Variants in PTN observed in about 807,000 individuals in gnomAD.
The protein encoded by PTN is pleiotrophin.
Under a neutral mutation model 24.1 loss-of-function variants are expected in PTN, and 18 were observed. The ratio of observed to expected loss-of-function variants is 0.75; its 90% CI spans 0.52 to 1.11. The LOEUF (loss-of-function observed/expected upper bound fraction) is 1.11. PTN is among the 50% of genes least tolerant of loss of function. PTN has a pLI of 0.00. For missense variants in PTN, 163 were observed against 198.8 expected, an observed-to-expected ratio of 0.82 and a Z score of 1.08; for synonymous variants, 78 against 68.6, an observed-to-expected ratio of 1.14 and a Z score of -0.67.
At chr7:137,235,226 T>C (rs1412969044) in intron 4 of PTN, among the ~76,000 whole-genome samples, 1 of 152,108 alleles carries the variant, frequency 6.6e-6, no homozygotes, top group Admixed American at 6.6e-5. Context: ...TAATGCTTTG[T>C]GAACCGATTT....
At chr7:137,343,364 C>G (rs1719782199) in intron 1 of PTN, 75 bp downstream of exon 1, 1 of 416,944 alleles carries the variant, frequency 2.4e-6, no homozygotes, top group African/African-American at 2.0e-5. Context: ...CTGCTGGCAC[C>G]CAGAAAAGTG....
chr7:137,231,397 C>G (rs1387929466), intron 4 of PTN, among the ~76,000 whole-genome samples: 1 of 151,902 alleles, frequency 6.6e-6, no homozygotes, highest in Admixed American at 6.6e-5. Flanking sequence ...TCCTTAAAAT[C>G]TTAGCCTCAA....
At position 137,338,104 on chromosome 7, in the gene PTN, G is replaced by A. The variant is rs1810477924; in HGVS notation, c.-2+5335C>T. On this transcript the variant is annotated intron_variant, in intron 1 of 4. Coordinates refer to ENST00000348225, the MANE Select transcript of PTN (RefSeq NM_002825.7). Reference sequence around the variant, plus strand: ...CTTCGAAGACAAGGGAAGAAATATAGCTCCACCTAGAGGGGGCATTTGCCT... The same window carrying A: ...CTTCGAAGACAAGGGAAGAAATATAACTCCACCTAGAGGGGGCATTTGCCT... Among the ~76,000 whole-genome samples the A allele has an allele frequency of 2.6e-5, 4 of 152,044 alleles. No individual in the cohort carries two copies. The South Asian group carries it at 8.3e-4, about 32-fold the overall frequency.
At chr7:137,247,518 G>C (rs764103433) in intron 4 of PTN, among the ~76,000 whole-genome samples, 3 of 152,140 alleles carry the variant, frequency 2.0e-5, no homozygotes, top group Non-Finnish European at 4.4e-5. Context: ...AGGTTGGGAA[G>C]GGTAGTGATG....
At chr7:137,258,819 C>A (rs1275210210) in intron 1 of PTN, among the ~76,000 whole-genome samples, 1 of 152,084 alleles carries the variant, frequency 6.6e-6, no homozygotes, top group Non-Finnish European at 1.5e-5. Context: ...TTTAACCCTA[C>A]CTGTTCTCCA....
intron 1 of PTN, among the ~76,000 whole-genome samples, chr7:137,261,404 T>C (rs1013723023): frequency 6.6e-6 from 1 of 152,180 alleles, no homozygotes; most frequent in Non-Finnish European, 1.5e-5. Context: ...GGTAATAATA[T>C]AAATATTAAA....
rs1367940493 is a variant in PTN, at chr7:137,314,984, TTC to T, written c.-2+28453_-2+28454del. Among the ~76,000 whole-genome samples the T allele has an allele frequency of 3.3e-5, 5 of 152,342 alleles. No homozygotes were observed. In the East Asian group the frequency reaches 9.6e-4, roughly 29 times the overall value. ...CATTGTTAACTATTATTCATGTTCA[TTC>T]TCTCTGTTAAAGTAATTGATGTGGT... On this transcript the variant is annotated intron_variant, in intron 1 of 4. Coordinates refer to ENST00000348225, the MANE Select transcript of PTN (RefSeq NM_002825.7).
chr7:137,274,793 A>G (rs1389315891), intron 1 of PTN, among the ~76,000 whole-genome samples: 4 of 152,242 alleles, frequency 2.6e-5, no homozygotes, highest in African/African-American at 7.2e-5. Context: ...GATCAAACAC[A>G]TAGCCTAACA....
At chr7:137,318,084 T>C (rs1476696729) in intron 1 of PTN, among the ~76,000 whole-genome samples, 3 of 152,060 alleles carry the variant, frequency 2.0e-5, no homozygotes, top group South Asian at 2.1e-4. Context: ...CTGACCAATA[T>C]AGTGAAACCT....
At chr7:137,230,054 G>T (rs1296455051) in intron 4 of PTN, among the ~76,000 whole-genome samples, 2 of 151,782 alleles carry the variant, frequency 1.3e-5, no homozygotes, top group East Asian at 3.9e-4. Context: ...CTCCAGTAGA[G>T]TGGATATCTA....
chr7:137,319,059 T>C (rs2128880887), intron 1 of PTN, among the ~76,000 whole-genome samples: 1 of 152,306 alleles, frequency 6.6e-6, no homozygotes, highest in Middle Eastern at 3.4e-3. Flanking sequence ...ACTCTCTACT[T>C]TTTGTCCGCC....
chr7:137,265,814 T>C (rs912064416), intron 1 of PTN, among the ~76,000 whole-genome samples: 65 of 152,270 alleles, frequency 4.3e-4, no homozygotes, highest in Admixed American at 4.2e-3. Flanking sequence ...CATTTGCATC[T>C]TGGTATGCTA....
chr7:137,300,651 C>T (rs1809791615), intron 1 of PTN, among the ~76,000 whole-genome samples: 1 of 151,950 alleles, frequency 6.6e-6, no homozygotes, highest in South Asian at 2.1e-4. Flanking sequence ...GTGCTTGGAA[C>T]TGGCAGACTA....
chr7:137,336,413 TA>T (rs1451907413), intron 1 of PTN, among the ~76,000 whole-genome samples: 1 of 152,054 alleles, frequency 6.6e-6, no homozygotes, highest in African/African-American at 2.4e-5. Context: ...TGAGCATCAC[TA>T]AGGTCAGCAA....
chr7:137,266,868 C>CTTTTT (rs57274644), intron 1 of PTN, among the ~76,000 whole-genome samples: 1 of 98,742 alleles, frequency 1.0e-5, no homozygotes, highest in Non-Finnish European at 2.2e-5. Flanking sequence ...TATAGATGGC[C>CTTTTT]TTTTTTTTTT....
At chr7:137,232,433 T>C (rs373976962) in intron 4 of PTN, among the ~76,000 whole-genome samples, 9 of 151,918 alleles carry the variant, frequency 5.9e-5, no homozygotes, top group Non-Finnish European at 8.8e-5. Context: ...AAATAGTAGG[T>C]GTGTATTTTT....
At chr7:137,328,485 C>A (rs898407363) in intron 1 of PTN, among the ~76,000 whole-genome samples, 18 of 152,174 alleles carry the variant, frequency 1.2e-4, no homozygotes, top group Admixed American at 7.2e-4. Flanking sequence ...GAAACTGTAG[C>A]AGGATTTTTT....
intron 4 of PTN, among the ~76,000 whole-genome samples, chr7:137,250,257 A>C (rs1003613775): frequency 6.6e-6 from 1 of 152,162 alleles, no homozygotes; most frequent in African/African-American, 2.4e-5. Flanking sequence ...ATTGTCTTGC[A>C]GTTCTGGAAG....
At chr7:137,304,115 T>C (rs531263916) in intron 1 of PTN, among the ~76,000 whole-genome samples, 3 of 152,118 alleles carry the variant, frequency 2.0e-5, no homozygotes, top group East Asian at 1.9e-4. Flanking sequence ...TACCAAACAC[T>C]ATCTTAAAAA....
Sources: gnomAD v4.1 joint callset for allele counts (sites outside exome capture counted in the v4.1 genomes callset) on GRCh38, gnomAD v4.1.1 for gene constraint, MANE v1.5 for transcripts, NCBI Gene and HGNC (gene_info 2026-07-23, HGNC 2026-07-21) for gene names.